Variants in HHLA2 observed in about 807,000 individuals in gnomAD.
HHLA2 encodes HHLA2 member of B7 family, also known as HERV-H LTR-associating protein 2.
HHLA2 carries 48 observed loss-of-function variants against 45.9 expected under a neutral mutation model. The observed-to-expected ratio is 1.05, with a 90% confidence interval of 0.83 to 1.33. HHLA2 has a LOEUF of 1.33. HHLA2 is among the 40% of genes most tolerant of loss of function. The pLI, the probability that HHLA2 is intolerant of heterozygous loss-of-function variation, is 0.00. For missense variants in HHLA2, 462 were observed against 494.3 expected, an observed-to-expected ratio of 0.93 and a Z score of 0.62; for synonymous variants, 161 against 173.9, an observed-to-expected ratio of 0.93 and a Z score of 0.59.
At chr3:108,325,824 CA>C in intron 2 of HHLA2, 1 of 334,080 alleles carries the variant, frequency 3.0e-6, no homozygotes. Context: ...TCATTCCTAC[CA>C]AAACTACCTC....
intron 8 of HHLA2, among the ~76,000 whole-genome samples, chr3:108,374,886 T>G (rs1406766354): frequency 6.8e-6 from 1 of 147,782 alleles, no homozygotes; most frequent in Non-Finnish European, 1.5e-5. Context: ...TTGGTGGGAC[T>G]GTAAACTAGT....
At chr3:108,375,848 G>T in intron 9 of HHLA2, 48 bp downstream of exon 8, 1 of 1,597,342 alleles carries the variant, frequency 6.3e-7, no homozygotes, top group South Asian at 1.1e-5. Flanking sequence ...TTCTGGAGGA[G>T]CAGTCAAAAG....
chr3:108,329,596 A>T (rs2081349374), intron 3 of HHLA2, among the ~76,000 whole-genome samples: 1 of 152,150 alleles, frequency 6.6e-6, no homozygotes, highest in Admixed American at 6.5e-5. Context: ...TTGGCTCATG[A>T]TACTGGGAAC....
chr3:108,369,031 C>A (rs1186744666), intron 8 of HHLA2, among the ~76,000 whole-genome samples: 1 of 152,148 alleles, frequency 6.6e-6, no homozygotes, highest in African/African-American at 2.4e-5. Context: ...GTCTCTCAGG[C>A]TACAGTGCAA....
chr3:108,371,609 C>G (rs1466551706), intron 8 of HHLA2, among the ~76,000 whole-genome samples: 1 of 152,012 alleles, frequency 6.6e-6, no homozygotes, highest in Non-Finnish European at 1.5e-5. Context: ...CACATAGGCT[C>G]AAAATTAAGG....
At position 108,332,921 on chromosome 3, in the gene HHLA2, CA is replaced by C. The variant is rs11294202; in HGVS notation, c.-27+4581del. On this transcript the variant is annotated intron_variant, in intron 3 of 10. Transcript: ENST00000619531. ...ATTCTGGGTTCCTTTCTGTTGCCAA[CA>C]AAAAAAGAAACCCCCAAATAATATT... Among the ~76,000 whole-genome samples the C allele has an allele frequency of 4.3e-3, 654 of 151,852 alleles. 3 individuals carry two copies. Among genetic ancestry groups the C allele is most frequent in the African/African-American group, 0.015 (627 of 41,412 alleles).
chr3:108,350,443 T>A (rs1056762737), intron 3 of HHLA2, among the ~76,000 whole-genome samples: 2 of 152,204 alleles, frequency 1.3e-5, no homozygotes, highest in African/African-American at 4.8e-5. Context: ...AACTCTAAAT[T>A]ATTAATCTAC....
intron 2 of HHLA2, chr3:108,325,961 TG>T (rs1398174834): frequency 1.6e-5 from 6 of 372,348 alleles, no homozygotes; most frequent in Admixed American, 5.9e-5. Context: ...ATGGTATTTC[TG>T]AATGACAGTA....
chr3:108,307,768 T>C (rs1576095360), intron 1 of HHLA2, among the ~76,000 whole-genome samples: 1 of 152,234 alleles, frequency 6.6e-6, no homozygotes, highest in East Asian at 1.9e-4. Flanking sequence ...CAGATTCTAT[T>C]TGAAGGTCAC....
intron 8 of HHLA2, among the ~76,000 whole-genome samples, 194 bp from the exon 8 acceptor site, chr3:108,375,556 A>G (rs952804123): frequency 6.6e-6 from 1 of 152,148 alleles, no homozygotes; most frequent in African/African-American, 2.4e-5. Flanking sequence ...GAGCGAACAA[A>G]TTCAAAAGCT....
At chr3:108,320,449 C>T (rs990517752) in intron 2 of HHLA2, among the ~76,000 whole-genome samples, 1 of 152,060 alleles carries the variant, frequency 6.6e-6, no homozygotes, top group Non-Finnish European at 1.5e-5. Context: ...TGGCAAAGAC[C>T]ACGATTACTT....
At chr3:108,333,409 CA>C (rs1331156503) in intron 3 of HHLA2, among the ~76,000 whole-genome samples, 1 of 151,950 alleles carries the variant, frequency 6.6e-6, no homozygotes, top group Admixed American at 6.6e-5. Context: ...TCAGATTTAG[CA>C]ATTAAAAATA....
In HHLA2 at chr3:108,355,193, C is replaced by T. The variant is rs2081863518; in HGVS notation, c.497C>T (p.Pro166Leu). 3.7e-6 allele frequency: 6 copies of T among 1,613,602 alleles called. No individual in the cohort carries two copies. The highest frequency in any genetic ancestry group is 2.7e-5 in the African/African-American group (2 of 74,904). The change falls in exon 6 of 11, where the codon CCT becomes CTT. Residue 166 changes from proline (P) to leucine (L), a missense_variant. This residue lies in a region of HHLA2 where 335 missense variants were observed against 367.4 expected (regional missense o/e 0.91). Transcript: ENST00000619531. Reference sequence around the variant, plus strand: ...ATATGCAGCGTGTTAAGTGTTTATCCTCGTCCAATTATCACGTGGAAAATG... The same window carrying T: ...ATATGCAGCGTGTTAAGTGTTTATCTTCGTCCAATTATCACGTGGAAAATG...
intron 2 of HHLA2, among the ~76,000 whole-genome samples, chr3:108,321,744 T>A: frequency 6.6e-6 from 1 of 152,134 alleles, no homozygotes; most frequent in East Asian, 1.9e-4. Context: ...CCCTGTTTCC[T>A]GTTTTCTCTT....
chr3:108,305,853 A>G (rs1007974334), intron 1 of HHLA2, among the ~76,000 whole-genome samples: 3 of 152,184 alleles, frequency 2.0e-5, no homozygotes, highest in Non-Finnish European at 2.9e-5. Context: ...GGATTCCTGG[A>G]GAAAACCCAA....
At chr3:108,377,275 A>G in exon 11 of HHLA2, 1 of 1,573,382 alleles carries the variant, frequency 6.4e-7, no homozygotes, top group Non-Finnish European at 8.7e-7. Context: ...CAGGAAAAGT[A>G]TAGGAAATGA....
chr3:108,365,269 C>T (rs2082045879), intron 8 of HHLA2, among the ~76,000 whole-genome samples: 1 of 152,244 alleles, frequency 6.6e-6, no homozygotes. Context: ...TTCCCCATTG[C>T]TTGTTTTTGT....
At chr3:108,368,257 C>G (rs2082100370) in intron 8 of HHLA2, among the ~76,000 whole-genome samples, 1 of 151,900 alleles carries the variant, frequency 6.6e-6, no homozygotes, top group African/African-American at 2.4e-5. Context: ...CAAAAAAACA[C>G]CATAATATAA....
At chr3:108,304,996 C>T (rs190248295) in intron 1 of HHLA2, among the ~76,000 whole-genome samples, 1 of 152,228 alleles carries the variant, frequency 6.6e-6, no homozygotes, top group Non-Finnish European at 1.5e-5. Context: ...CTAATGTTTC[C>T]CCATTGAAGA....
Sources: allele counts gnomAD v4.1 joint callset (sites outside exome capture counted in the v4.1 genomes callset), GRCh38; gene constraint gnomAD v4.1.1; regional missense constraint gnomAD v4.1.1; transcripts MANE v1.5; gene names NCBI Gene and HGNC (gene_info 2026-07-23, HGNC 2026-07-21).